The following LAT2 variants were observed in gnomAD, a reference collection of about 807,000 sequenced individuals.
LAT2 encodes linker for activation of T cells family member 2.
In LAT2, 23 loss-of-function variants were observed where a neutral mutation model predicts 43.4. The observed-to-expected ratio is 0.53, with a 90% CI of 0.38 to 0.75. The LOEUF (loss-of-function observed/expected upper bound fraction) is 0.75. Ranked by LOEUF, LAT2 falls within the 30% of genes least tolerant of loss-of-function variation. The pLI, the probability that LAT2 is intolerant of heterozygous loss-of-function variation, is 0.00. For synonymous variants in LAT2, 128 were observed against 123.2 expected (o/e 1.04, Z -0.26); for missense variants, 284 against 310.2 (o/e 0.92, Z 0.64).
At chr7:74,216,113 A>G (rs1468003991) in intron 3 of LAT2, 44 bp downstream of exon 3, 1 of 1,506,430 alleles carries the variant, frequency 6.6e-7, no homozygotes, top group Non-Finnish European at 9.0e-7. Context: ...AGGTGTGGAC[A>G]GTGCATCTCA....
chr7:74,214,229 A>AAT (rs1459696555), intron 1 of LAT2, among the ~76,000 whole-genome samples: 1 of 73,850 alleles, frequency 1.4e-5, no homozygotes, highest in Non-Finnish European at 2.3e-5. Flanking sequence ...TATATATGAA[A>AAT]ATATATATGA....
chr7:74,224,119 C>T lies in LAT2; in HGVS notation c.550C>T (p.Pro184Ser), dbSNP rs781885001. Residue 184 changes from proline to serine, a missense_variant, in exon 12 of 14, where the codon CCG (proline) becomes TCG (serine). Transcript: ENST00000460943. ...PTSGLCPSASPEEDEESEDYQ... is the reference protein window; with the variant it reads ...PTSGLCPSASSEEDEESEDYQ... The stretch of plus-strand genomic sequence containing the variant: ...TTCTGGTCTCTGTCCCTCTGCCTCC[C>T]CGGAAGAAGATGAGGAATCTGAGGA... 6.2e-7 allele frequency: 1 copy of T among 1,614,196 alleles called. No homozygotes were observed. Among genetic ancestry groups the T allele is most frequent in the East Asian group, 2.2e-5 (1 of 44,884 alleles).
intron 13 of LAT2, among the ~76,000 whole-genome samples, chr7:74,228,165 T>TAAAAAA (rs34339569): frequency 1.8e-4 from 4 of 22,430 alleles, no homozygotes; most frequent in African/African-American, 3.0e-4. Flanking sequence ...AACTACGTCT[T>TAAAAAA]AAAAAAAAAA....
intron 1 of LAT2, 80 bp from the exon 2 acceptor site, chr7:74,214,742 T>A (rs1327232287): frequency 4.3e-5 from 4 of 92,884 alleles, no homozygotes; most frequent in East Asian, 3.1e-4. Context: ...TATATAAAAA[T>A]ATATAAATAT....
intron 1 of LAT2, among the ~76,000 whole-genome samples, chr7:74,211,457 T>C (rs1554713151): frequency 6.6e-6 from 1 of 152,028 alleles, no homozygotes; most frequent in Non-Finnish European, 1.5e-5. Flanking sequence ...TTTTATTTTT[T>C]ATTTATTTTT....
chr7:74,220,449 C>A lies in LAT2; in HGVS notation c.266-135C>A. The A allele has an allele frequency of 7.9e-7, 1 of 1,270,508 alleles. No homozygotes were observed. Among genetic ancestry groups the A allele is most frequent in the Non-Finnish European group, 1.1e-6 (1 of 887,760 alleles). 78.7% of individuals were successfully genotyped at this position (1,270,508 alleles called of 1,614,324 possible). A position where few individuals can be genotyped will look rare whatever the true frequency, so the allele number is the denominator to read the frequency against. ...GGGGGAGGGTGCACACTCGCACATG[C>A]CCCACTGAGGGGACAGGGAGCACTG... On this transcript the variant is annotated intron_variant, in intron 7 of 13. Coordinates refer to ENST00000460943, the MANE Select transcript of LAT2 (RefSeq NM_032464.3). This position sits in a 1 kb window ranked among gnomAD's most constrained non-coding sequence, Gnocchi z 4.5.
intron 4 of LAT2, among the ~76,000 whole-genome samples, chr7:74,217,922 C>T (rs1802100820): frequency 6.6e-6 from 1 of 152,208 alleles, no homozygotes; most frequent in African/African-American, 2.4e-5. Flanking sequence ...ATCTTCCCAT[C>T]CTTGCTCATC....
chr7:74,223,392 C>T (rs1030974837), intron 10 of LAT2, among the ~76,000 whole-genome samples: 3 of 152,094 alleles, frequency 2.0e-5, no homozygotes, highest in Admixed American at 6.6e-5. Flanking sequence ...CAGGAGGCTG[C>T]GGGGTAGGAA....
intron 12 of LAT2, 93 bp from the exon 13 acceptor site, chr7:74,224,546 G>C: frequency 8.8e-7 from 1 of 1,134,322 alleles, no homozygotes; most frequent in Non-Finnish European, 1.3e-6. Context: ...CCCGCGGGCT[G>C]TTTTGTGGAG....
At chr7:74,222,113 T>C (rs1554715403) in intron 10 of LAT2, among the ~76,000 whole-genome samples, 1 of 151,092 alleles carries the variant, frequency 6.6e-6, no homozygotes, top group African/African-American at 2.4e-5. Context: ...AGGCCGGGTG[T>C]GGTGGCTCAC....
chr7:74,220,628 G>C lies in LAT2; in HGVS notation c.301+9G>C. On this transcript the variant is annotated intron_variant, in intron 8 of 13. Coordinates refer to ENST00000460943, the MANE Select transcript of LAT2 (RefSeq NM_032464.3). This position sits in a 1 kb window ranked among gnomAD's most constrained non-coding sequence, Gnocchi z 4.5. ...CCAGAACTTCAGCAAAGGTAGGTAG[G>C]CTCCTGGAGAAAGGGGGAGGCCATG... 6.2e-7 allele frequency: 1 copy of C among 1,614,056 alleles called. No individual in the cohort carries two copies. The highest frequency in any genetic ancestry group is 2.2e-5 in the East Asian group (1 of 44,888).
chr7:74,215,868 G>C (rs1802019267), intron 2 of LAT2, 79 bp from the exon 3 acceptor site: 1 of 966,782 alleles, frequency 1.0e-6, no homozygotes, highest in Admixed American at 1.7e-5. Context: ...TCAGGTATGG[G>C]GCTGTCCGAG....
chr7:74,221,013 C>A (rs899747271), intron 9 of LAT2, among the ~76,000 whole-genome samples: 18 of 152,162 alleles, frequency 1.2e-4, no homozygotes, highest in African/African-American at 4.1e-4. Context: ...GATAGAGACT[C>A]ATTCAGCATC....
intron 1 of LAT2, among the ~76,000 whole-genome samples, chr7:74,214,361 A>AATATATATATATGAAAATAT (rs1801897381): frequency 2.3e-5 from 1 of 43,938 alleles, no homozygotes; most frequent in Non-Finnish European, 4.0e-5. Flanking sequence ...TATATATATA[A>AATATATATATATGAAAATAT]ATATATATAT....
Position 74,229,466 on chromosome 7 carries a change from C to T in LAT2, c.*541C>T, listed in dbSNP as rs1802611524. 6.6e-6 allele frequency: 1 copy of T among 152,652 alleles called. No individual in the cohort carries two copies. The highest frequency in any genetic ancestry group is 1.5e-5 in the Non-Finnish European group (1 of 68,052). The allele number at this position is 152,652 out of a possible 1,614,324, so 9.5% of individuals were successfully genotyped here. Reference sequence around the variant, plus strand: ...ATTACATGTAGTTTATTTCAGCATCCTTGTTGGGTGGGGCCCTGGCTCTCT... The same window carrying T: ...ATTACATGTAGTTTATTTCAGCATCTTTGTTGGGTGGGGCCCTGGCTCTCT... On this transcript the variant is annotated 3_prime_UTR_variant, in exon 14 of 14. Transcript: ENST00000460943.
At chr7:74,213,012 A>G (rs1801782284) in intron 1 of LAT2, among the ~76,000 whole-genome samples, 1 of 152,176 alleles carries the variant, frequency 6.6e-6, no homozygotes, top group Non-Finnish European at 1.5e-5. Flanking sequence ...AGGTCCTGAG[A>G]CTTGTCCAAA....
chr7:74,215,495 T>C (rs1554714107), intron 2 of LAT2, among the ~76,000 whole-genome samples: 1 of 152,086 alleles, frequency 6.6e-6, no homozygotes, highest in Non-Finnish European at 1.5e-5. Context: ...GTGGGTTTAC[T>C]GGAGGCAACC....
rs1463846951 is a variant in LAT2 at position 74,220,129 on chromosome 7, G to GGCCCC, written c.228-87_228-83dup. 4 of 1,556,582 alleles carry GGCCCC rather than the reference G, an allele frequency of 2.6e-6. No individual in the cohort carries two copies. In the African/African-American group the frequency reaches 4.1e-5, roughly 16 times the overall value. ...CAGAGCTCCAGGGCTCAGCTATGAA[G>GGCCCC]GCCCCACAAGGGGTATGGGGGGATG... On this transcript the variant is annotated intron_variant, in intron 6 of 13. Transcript: ENST00000460943. This position sits in a 1 kb window ranked among gnomAD's most constrained non-coding sequence, Gnocchi z 4.5.
rs34339569 is a variant in LAT2 at position 74,228,165 on chromosome 7, TAAAAAAAAAAAAAAAA to T, written c.*19-764_*19-749del. Among the ~76,000 whole-genome samples the T allele has an allele frequency of 3.1e-4, 7 of 22,386 alleles. No homozygotes were observed. The East Asian group carries it at 6.0e-3, about 19-fold the overall frequency. The allele number at this position is 22,386 out of a possible 152,430, so 14.7% of individuals were successfully genotyped here. A position where few individuals can be genotyped will look rare whatever the true frequency, so the allele number is the denominator to read the frequency against. On this transcript the variant is annotated intron_variant, in intron 13 of 13. Coordinates refer to ENST00000460943, the MANE Select transcript of LAT2 (RefSeq NM_032464.3). ...CACTCCAGCCTGGGCAACTACGTCTTAAAAAAAAAAAAAAAAAAAAAAAAAAAAAAGCCAGGCGCGG... is the reference window on the plus strand; with the variant it reads ...CACTCCAGCCTGGGCAACTACGTCTTAAAAAAAAAAAAAAGCCAGGCGCGG...
Sources: allele counts gnomAD v4.1 joint callset (sites outside exome capture counted in the v4.1 genomes callset), GRCh38; gene constraint gnomAD v4.1.1; non-coding constraint Gnocchi (gnomAD v3.1); transcripts MANE v1.5; gene names NCBI Gene and HGNC (gene_info 2026-07-23, HGNC 2026-07-21).